RMI1: variants seen among roughly 807,000 people sequenced by gnomAD.
RMI1 encodes RecQ mediated genome instability 1.
In RMI1, 36 loss-of-function variants were observed where a neutral mutation model predicts 46.7. The observed-to-expected ratio is 0.77, with a 90% CI of 0.59 to 1.02. The LOEUF (loss-of-function observed/expected upper bound fraction) is 1.02. Among genes scored for constraint, RMI1 ranks in the 50% least tolerant of loss-of-function variants. The pLI, the probability that RMI1 is intolerant of heterozygous loss-of-function variation, is 0.00. For synonymous variants in RMI1, 250 were observed against 252.9 expected, an observed-to-expected ratio of 0.99 and a Z score of 0.11; for missense variants, 676 against 713.7, an observed-to-expected ratio of 0.95 and a Z score of 0.60.
intron 1 of RMI1, among the ~76,000 whole-genome samples, chr9:83,990,599 TA>T (rs1354400175): frequency 6.6e-6 from 1 of 151,720 alleles, no homozygotes. Context: ...TATTTCAAAA[TA>T]GAAGAGAAGG....
intron 2 of RMI1, 45 bp from the exon 3 acceptor site, chr9:84,000,906 T>A: frequency 1.0e-6 from 1 of 986,548 alleles, no homozygotes; most frequent in Non-Finnish European, 1.5e-6. Context: ...GAAGCTGTAT[T>A]CAAATATACT....
chr9:83,998,207 AG>A (rs1256345090), intron 1 of RMI1, among the ~76,000 whole-genome samples: 1 of 152,214 alleles, frequency 6.6e-6, no homozygotes, highest in Non-Finnish European at 1.5e-5. Flanking sequence ...CATCACAACA[AG>A]TAAAGACTTT....
intron 1 of RMI1, among the ~76,000 whole-genome samples, chr9:83,984,858 C>T (rs1305373672): frequency 1.3e-5 from 2 of 152,200 alleles, no homozygotes; most frequent in African/African-American, 4.8e-5. Context: ...CCACCGCACC[C>T]AGCCCGAACA....
chr9:83,993,068 C>T (rs1392402814), intron 1 of RMI1: 1 of 151,830 alleles, frequency 6.6e-6, no homozygotes, highest in Non-Finnish European at 1.5e-5. Context: ...ATTTTGAATA[C>T]AATTTATGGC....
chr9:83,990,452 G>A (rs796998961), intron 1 of RMI1, among the ~76,000 whole-genome samples: 12 of 151,592 alleles, frequency 7.9e-5, no homozygotes, highest in African/African-American at 2.4e-4. Context: ...GGAGGTTGCC[G>A]TGAGTCGAGA....
chr9:83,980,521 T>C (rs555315444), upstream of RMI1: 1 of 152,834 alleles, frequency 6.5e-6, no homozygotes, highest in Non-Finnish European at 1.5e-5. Flanking sequence ...CGCGAACAAG[T>C]GGGACACAGG....
chr9:83,999,822 A>T (rs1342667312), intron 2 of RMI1, 25 bp downstream of exon 2: 2 of 152,222 alleles, frequency 1.3e-5, no homozygotes, highest in African/African-American at 4.8e-5. Flanking sequence ...GGACATAGTA[A>T]AACTTTAATA....
chr9:83,995,490 C>T (rs558616585), intron 1 of RMI1, among the ~76,000 whole-genome samples: 3 of 149,230 alleles, frequency 2.0e-5, no homozygotes, highest in East Asian at 2.0e-4. Context: ...TGCAATAGCA[C>T]GATCTCAGAT....
intron 1 of RMI1, among the ~76,000 whole-genome samples, chr9:83,982,898 C>T (rs369317329): frequency 6.6e-6 from 1 of 152,106 alleles, no homozygotes; most frequent in South Asian, 2.1e-4. Context: ...GAAATTAAGA[C>T]TTTTCAACCC....
chr9:84,001,060 T>C lies in RMI1; in HGVS notation c.74T>C (p.Met25Thr), dbSNP rs780338642. 1 of 1,614,054 alleles carries C rather than the reference T, an allele frequency of 6.2e-7. No individual in the cohort carries two copies. Among genetic ancestry groups the C allele is most frequent in the Non-Finnish European group, 8.5e-7 (1 of 1,179,954 alleles). Residue 25 changes from methionine (M) to threonine (T), a missense_variant, in exon 3 of 3, where the codon ATG becomes ACG. Met to Thr is a moderately conservative substitution (Grantham distance 81). Transcript: ENST00000445877. ...GCATGGCATGTTAAAGTACCTCCGA[T>C]GTGGCTGGAAGCTTGTATTAACTGG... Reference protein sequence around the residue: ...LAAWHVKVPPMWLEACINWIQ... With the variant: ...LAAWHVKVPPTWLEACINWIQ...
chr9:83,994,757 G>A (rs924865366), intron 1 of RMI1, among the ~76,000 whole-genome samples: 6 of 151,976 alleles, frequency 3.9e-5, no homozygotes, highest in African/African-American at 1.4e-4. Context: ...GAGCTCAAGC[G>A]TTCTGCCCAT....
chr9:83,985,215 A>C (rs1281431239), intron 1 of RMI1, among the ~76,000 whole-genome samples: 1 of 152,224 alleles, frequency 6.6e-6, no homozygotes, highest in Admixed American at 6.5e-5. Flanking sequence ...TTCTCTTTCT[A>C]ATCTGTAGGA....
chr9:84,000,996 A>G lies in RMI1; in HGVS notation c.10A>G (p.Thr4Ala), dbSNP rs760892580. ...CTTTTATTTAAAAGAAATGAATGTGACTAGTATTGCATTAAGAGCTGAAAC... is the reference window on the plus strand; with the variant it reads ...CTTTTATTTAAAAGAAATGAATGTGGCTAGTATTGCATTAAGAGCTGAAAC... MNV[T>A]SIALRAETWL... Residue 4 changes from threonine to alanine, a missense_variant, in exon 3 of 3, where the codon ACT becomes GCT. Thr to Ala is a moderately conservative substitution (Grantham distance 58). Coordinates refer to ENST00000445877, the MANE Select transcript of RMI1 (RefSeq NM_001358291.2). 1 of 1,598,630 alleles carries G rather than the reference A, an allele frequency of 6.3e-7. No homozygotes were observed. Among genetic ancestry groups the G allele is most frequent in the Non-Finnish European group, 8.5e-7 (1 of 1,173,750 alleles).
At chr9:83,987,769 A>G (rs1957513942) in intron 1 of RMI1, among the ~76,000 whole-genome samples, 1 of 152,216 alleles carries the variant, frequency 6.6e-6, no homozygotes, top group Non-Finnish European at 1.5e-5. Context: ...ACCATACTGA[A>G]TTTGACATTC....
At chr9:83,993,000 C>T (rs1241351457) in intron 1 of RMI1, 1 of 152,028 alleles carries the variant, frequency 6.6e-6, no homozygotes, top group African/African-American at 2.4e-5. Context: ...TTTATTCCTT[C>T]TCCATTTCCA....
chr9:83,990,019 T>A (rs1248767539), intron 1 of RMI1, among the ~76,000 whole-genome samples: 1 of 152,328 alleles, frequency 6.6e-6, no homozygotes, highest in South Asian at 2.1e-4. Flanking sequence ...AAGAATGATA[T>A]CCTGTCATTT....
rs1322363908 is a variant in RMI1, at chr9:84,002,211, C to T, written c.1225C>T (p.Pro409Ser). ...RSIFSVHCNV[P>S]LAHDFTNKEK... is the part of the protein sequence containing the mutation. Reference sequence around the variant, plus strand: ...TATTTTTTCAGTTCATTGTAATGTACCCTTAGCCCATGATTTTACAAATAA... The same window carrying T: ...TATTTTTTCAGTTCATTGTAATGTATCCTTAGCCCATGATTTTACAAATAA... The change falls in exon 3 of 3, where the codon CCC (proline) becomes TCC (serine). Residue 409 changes from proline to serine, a missense_variant. Coordinates refer to ENST00000445877, the MANE Select transcript of RMI1 (RefSeq NM_001358291.2). The T allele has an allele frequency of 1.2e-6, 2 of 1,610,238 alleles. No individual in the cohort carries two copies. The highest frequency in any genetic ancestry group is 1.7e-5 in the Admixed American group (1 of 58,850).
intron 1 of RMI1, among the ~76,000 whole-genome samples, chr9:83,991,608 A>C (rs1030452667): frequency 2.0e-5 from 3 of 152,192 alleles, no homozygotes; most frequent in African/African-American, 7.2e-5. Flanking sequence ...ATGAGCCACC[A>C]CGTCCAGCCT....
chr9:83,984,790 T>C (rs533172016), intron 1 of RMI1, among the ~76,000 whole-genome samples: 1 of 152,334 alleles, frequency 6.6e-6, no homozygotes, highest in South Asian at 2.1e-4. Flanking sequence ...CTTGAACTCC[T>C]GACCTCAGGT....
Sources: allele counts gnomAD v4.1 joint callset (sites outside exome capture counted in the v4.1 genomes callset), GRCh38; gene constraint gnomAD v4.1.1; transcripts MANE v1.5; gene names NCBI Gene and HGNC (gene_info 2026-07-23, HGNC 2026-07-21).